The following SPOCK1 variants were observed in gnomAD, a reference collection of about 807,000 sequenced individuals.
The protein encoded by SPOCK1 is testican-1.
In SPOCK1, 23 loss-of-function variants were observed where a neutral mutation model predicts 55.3. The ratio of observed to expected loss-of-function variants is 0.42; its 90% CI spans 0.30 to 0.59. The LOEUF is 0.59. Ranked by LOEUF, SPOCK1 falls within the 20% of genes least tolerant of loss-of-function variation. The pLI is 0.22. For missense variants in SPOCK1, 499 were observed against 552.5 expected (o/e 0.90, Z 0.97); for synonymous variants, 226 against 221.0 (o/e 1.02, Z -0.20).
chr5:136,978,806 C>T lies in SPOCK1; in HGVS notation c.1168G>A (p.Gly390Arg), dbSNP rs770581700. ...AGGTCATCCAGCAGGACCACGGACC[C>T]ACCACTGCCAAAATCCCCTGAGGTT... is the stretch of plus-strand genomic sequence containing the variant. ...QETSGDFGSG[G>R]SVVLLDDLEY... Residue 390 changes from glycine (G) to arginine (R), a missense_variant, in exon 11 of 11, where the codon GGG (glycine) becomes AGG (arginine). Physicochemically the swap from Gly to Arg is moderately radical, Grantham distance 125 (BLOSUM62 -2). Transcript: ENST00000394945. The T allele has an allele frequency of 1.2e-6, 2 of 1,612,640 alleles. No homozygotes were observed. Among genetic ancestry groups the T allele is most frequent in the African/African-American group, 2.7e-5 (2 of 74,830 alleles).
chr5:137,018,650 T>C (rs1751499335), intron 6 of SPOCK1, among the ~76,000 whole-genome samples: 1 of 152,168 alleles, frequency 6.6e-6, no homozygotes, highest in Non-Finnish European at 1.5e-5. Context: ...CTCTCCTTCT[T>C]AGAGGCGTAT....
intron 2 of SPOCK1, among the ~76,000 whole-genome samples, chr5:137,476,034 G>T (rs1364015210): frequency 1.4e-5 from 2 of 147,960 alleles, no homozygotes; most frequent in African/African-American, 2.5e-5. Flanking sequence ...CAAATTATAG[G>T]TTTTTTTTTT....
intron 2 of SPOCK1, among the ~76,000 whole-genome samples, chr5:137,431,815 C>G (rs1416812944): frequency 6.6e-6 from 1 of 152,208 alleles, no homozygotes. Context: ...AAGGCCATGC[C>G]ATTGAACTTC....
intron 2 of SPOCK1, among the ~76,000 whole-genome samples, chr5:137,361,652 G>T (rs1278804998): frequency 6.6e-6 from 1 of 152,190 alleles, no homozygotes; most frequent in Non-Finnish European, 1.5e-5. Flanking sequence ...GCTAATAGTG[G>T]TCATCTGGGT....
At position 137,372,837 on chromosome 5, in the gene SPOCK1, C is replaced by T. The variant is rs1032154687; in HGVS notation, c.187-105782G>A. 7.9e-5 allele frequency among the ~76,000 whole-genome samples: 12 copies of T among 152,202 alleles called. No individual in the cohort carries two copies. In the South Asian group the frequency reaches 8.3e-4, roughly 11 times the overall value. The stretch of plus-strand genomic sequence containing the variant: ...AGCCTGGAGGTGAGCGGCCACTCTC[C>T]GCCTGCATCTCATCTCATAAATCTT... On this transcript the variant is annotated intron_variant, in intron 2 of 10. Transcript: ENST00000394945.
At chr5:137,008,783 A>G (rs1751298711) in intron 6 of SPOCK1, among the ~76,000 whole-genome samples, 1 of 152,204 alleles carries the variant, frequency 6.6e-6, no homozygotes, top group Non-Finnish European at 1.5e-5. Flanking sequence ...GTAATATAAT[A>G]TTGAACATAT....
At chr5:137,240,507 C>T (rs548554827) in intron 3 of SPOCK1, among the ~76,000 whole-genome samples, 3 of 152,190 alleles carry the variant, frequency 2.0e-5, no homozygotes, top group African/African-American at 7.2e-5. Context: ...GAGGGCTACA[C>T]CCCAGTGATC....
chr5:137,420,699 G>T (rs369895419), intron 2 of SPOCK1, among the ~76,000 whole-genome samples: 6 of 152,032 alleles, frequency 3.9e-5, no homozygotes, highest in East Asian at 3.9e-4. Context: ...TCTTCTTTAT[G>T]AGTCTTGCTA....
At chr5:137,149,262 C>T (rs953702086) in intron 3 of SPOCK1, among the ~76,000 whole-genome samples, 4 of 152,132 alleles carry the variant, frequency 2.6e-5, no homozygotes, top group African/African-American at 9.7e-5. Context: ...TGGGACAGGG[C>T]AGTGTAGGCA....
intron 3 of SPOCK1, among the ~76,000 whole-genome samples, chr5:137,216,560 A>C (rs1379739635): frequency 6.6e-6 from 1 of 152,054 alleles, no homozygotes; most frequent in African/African-American, 2.4e-5. Context: ...AAAATACAAA[A>C]ATTAGCCAGG....
chr5:137,298,078 T>G (rs1241511223), intron 2 of SPOCK1, among the ~76,000 whole-genome samples: 1 of 152,130 alleles, frequency 6.6e-6, no homozygotes, highest in Non-Finnish European at 1.5e-5. Flanking sequence ...ACTCAAACTT[T>G]CTGAGCCTCA....
Position 136,978,600 on chromosome 5 carries a change from A to G in SPOCK1, c.*54T>C. On this transcript the variant is annotated 3_prime_UTR_variant, in exon 11 of 11. Transcript: ENST00000394945. The stretch of plus-strand genomic sequence containing the variant: ...TGGAGTCTTAGATACAAATGCAGGA[A>G]TAGGAAGTGACTTGCAATTTTGTGC... 1 of 1,544,434 alleles carries G rather than the reference A, an allele frequency of 6.5e-7. No individual in the cohort carries two copies. The highest frequency in any genetic ancestry group is 8.7e-7 in the Non-Finnish European group (1 of 1,144,824).
intron 9 of SPOCK1, among the ~76,000 whole-genome samples, chr5:136,984,698 G>A (rs771126586): frequency 1.3e-5 from 2 of 152,170 alleles, no homozygotes; most frequent in African/African-American, 2.4e-5. Context: ...CATACATGTC[G>A]TTCAACCCTG....
intron 1 of SPOCK1, among the ~76,000 whole-genome samples, chr5:137,498,879 G>A (rs1201520412): frequency 2.0e-5 from 3 of 148,528 alleles, no homozygotes; most frequent in Admixed American, 1.3e-4. Flanking sequence ...CAGAAGCGGG[G>A]AGCCCGGGTC....
At chr5:137,390,105 C>G (rs13436766) in intron 2 of SPOCK1, among the ~76,000 whole-genome samples, 12,949 of 152,092 alleles carry the variant, frequency 0.085, 1,240 homozygotes, top group African/African-American at 0.24. Context: ...TAAAGGAAAT[C>G]CTGTCTCCTC....
chr5:137,290,086 A>C (rs938198627), intron 2 of SPOCK1, among the ~76,000 whole-genome samples: 16 of 152,164 alleles, frequency 1.1e-4, no homozygotes, highest in Non-Finnish European at 1.9e-4. Context: ...CAGCCCAGCA[A>C]CTCCAACCCT....
intron 2 of SPOCK1, among the ~76,000 whole-genome samples, chr5:137,428,853 C>T (rs1333984063): frequency 6.6e-6 from 1 of 152,210 alleles, no homozygotes; most frequent in African/African-American, 2.4e-5. Context: ...AGCCCTTCAG[C>T]TTCTCTCCAT....
intron 3 of SPOCK1, among the ~76,000 whole-genome samples, chr5:137,245,803 CTT>C (rs1756384873): frequency 6.7e-6 from 1 of 149,868 alleles, no homozygotes; most frequent in Admixed American, 6.6e-5. Flanking sequence ...AAAAAACTGT[CTT>C]GAGATATTCT....
chr5:137,328,449 T>C (rs1210686934), intron 2 of SPOCK1, among the ~76,000 whole-genome samples: 1 of 152,188 alleles, frequency 6.6e-6, no homozygotes, highest in Non-Finnish European at 1.5e-5. Context: ...GCAAGTCAGA[T>C]ACTAAGACCT....
Sources: allele counts gnomAD v4.1 joint callset (sites outside exome capture counted in the v4.1 genomes callset), GRCh38; gene constraint gnomAD v4.1.1; transcripts MANE v1.5; gene names NCBI Gene and HGNC (gene_info 2026-07-23, HGNC 2026-07-21).